The following VWA2 variants were observed in gnomAD, a reference collection of about 807,000 sequenced individuals.
The protein encoded by VWA2 is von Willebrand factor A domain containing 2.
In VWA2, 73 loss-of-function variants were observed where a neutral mutation model predicts 70.4. That is an observed-to-expected ratio of 1.04 (90% CI 0.86 to 1.26). The LOEUF (loss-of-function observed/expected upper bound fraction) is 1.26. Ranked by LOEUF, VWA2 falls within the 50% of genes most tolerant of loss-of-function variation. VWA2 has a pLI of 0.00. For synonymous variants in VWA2, 407 were observed against 423.3 expected (o/e 0.96, Z 0.47); for missense variants, 1,011 against 998.5 (o/e 1.01, Z -0.17).
intron 5 of VWA2, among the ~76,000 whole-genome samples, chr10:114,270,417 G>A (rs565684589): frequency 1.3e-5 from 2 of 152,322 alleles, no homozygotes; most frequent in Admixed American, 6.5e-5. Context: ...TGAGCACAGC[G>A]TCTGGCACAT....
intron 4 of VWA2, among the ~76,000 whole-genome samples, chr10:114,255,359 G>T (rs1470278776): frequency 6.6e-6 from 1 of 152,044 alleles, no homozygotes; most frequent in African/African-American, 2.4e-5. Flanking sequence ...AAATTAAGGG[G>T]ACTTCTTTCT....
At chr10:114,274,027 C>T (rs1339741073) in intron 6 of VWA2, among the ~76,000 whole-genome samples, 1 of 152,128 alleles carries the variant, frequency 6.6e-6, no homozygotes, top group Non-Finnish European at 1.5e-5. Flanking sequence ...AGGAGTAAGC[C>T]TTCCAAATAT....
intron 1 of VWA2, among the ~76,000 whole-genome samples, chr10:114,244,561 C>T (rs2037030539): frequency 6.6e-6 from 1 of 152,122 alleles, no homozygotes; most frequent in Non-Finnish European, 1.5e-5. Flanking sequence ...GCCTGTGTGT[C>T]TTGTGGCAGG....
At position 114,261,217 on chromosome 10, in the gene VWA2, C is replaced by G; in HGVS notation, c.293C>G (p.Thr98Ser). The G allele has an allele frequency of 1.2e-6, 2 of 1,614,088 alleles. No individual in the cohort carries two copies. Among genetic ancestry groups the G allele is most frequent in the Non-Finnish European group, 1.7e-6 (2 of 1,179,954 alleles). Reference protein sequence around the residue: ...VRVGAFQFSSTPHLEFPLDSF... With the variant: ...VRVGAFQFSSSPHLEFPLDSF... ...GTGGGAGCATTCCAGTTCAGTTCCA[C>G]TCCTCATCTGGAATTCCCCTTGGAT... The change falls in exon 5 of 14, where the codon ACT becomes AGT. Residue 98 changes from threonine to serine, a missense_variant. By Grantham distance (58) the Thr-to-Ser change is moderately conservative. Coordinates refer to ENST00000392982, the MANE Select transcript of VWA2 (RefSeq NM_001272046.2).
chr10:114,242,566 GC>G (rs11340581), intron 1 of VWA2, among the ~76,000 whole-genome samples: 1,940 of 151,588 alleles, frequency 0.013, 43 homozygotes, highest in African/African-American at 0.044. Context: ...GTGTGCCTCT[GC>G]GTACTGGTGC....
chr10:114,253,553 C>A (rs74497758), intron 2 of VWA2, 98 bp from the exon 3 acceptor site: 86,941 of 1,033,664 alleles, frequency 0.084, 4,265 homozygotes, highest in Middle Eastern at 0.1. Context: ...TTCTAGGTTT[C>A]TCTGATGTTA....
At chr10:114,289,776 AAGC>A in intron 12 of VWA2, 31 of 461,486 alleles carry the variant, frequency 6.7e-5, no homozygotes, top group South Asian at 1.6e-4. Flanking sequence ...GAATATCCAC[AAGC>A]TTCCTAAGGG....
Position 114,278,004 on chromosome 10 carries a change from C to T in VWA2, c.657C>T (p.Phe219=), listed in dbSNP as rs1489850368. The T allele has an allele frequency of 3.1e-6, 5 of 1,612,986 alleles. No individual in the cohort carries two copies. In the South Asian group the frequency reaches 5.5e-5, roughly 18 times the overall value. The change falls in exon 7 of 14, where the codon TTC becomes TTT. Residue 219 remains phenylalanine, a synonymous_variant. Transcript: ENST00000392982. ...EQVEDATNGL[F]STLSSSAICS... is the part of the protein sequence containing the mutation. Reference sequence around the variant, plus strand: ...TGGAGGATGCCACCAACGGCCTCTTCAGCACCCTCAGCAGCTCGGCCATCT... The same window carrying T: ...TGGAGGATGCCACCAACGGCCTCTTTAGCACCCTCAGCAGCTCGGCCATCT...
chr10:114,286,221 G>A lies in VWA2; in HGVS notation c.1280G>A (p.Arg427Gln), dbSNP rs764139137. ...GGPTLTGSAL[R>Q]QAAERGFGSA... ...CCCACCCTGACGGGCAGTGCCTTGC[G>A]GCAGGCGGCAGAGCGTGGCTTCGGG... Residue 427 changes from arginine to glutamine, a missense_variant, in exon 11 of 14, where the codon CGG (arginine) becomes CAG (glutamine). Transcript: ENST00000392982. 9.9e-6 allele frequency: 16 copies of A among 1,613,496 alleles called. No homozygotes were observed. The highest frequency in any genetic ancestry group is 6.7e-5 in the East Asian group (3 of 44,886).
chr10:114,294,185 C>T lies in VWA2; in HGVS notation c.*2948C>T, dbSNP rs2039859624. 2.0e-5 allele frequency among the ~76,000 whole-genome samples: 3 copies of T among 152,098 alleles called. No individual in the cohort carries two copies. Among genetic ancestry groups the T allele is most frequent in the African/African-American group, 7.2e-5 (3 of 41,408 alleles). Reference sequence around the variant, plus strand: ...AAACCCTGCTGAATTTTTCATTTGCCAACATCTTATTTCAGATTCTTTTAA... The same window carrying T: ...AAACCCTGCTGAATTTTTCATTTGCTAACATCTTATTTCAGATTCTTTTAA... On this transcript the variant is annotated 3_prime_UTR_variant, in exon 14 of 14. Coordinates refer to ENST00000392982, the MANE Select transcript of VWA2 (RefSeq NM_001272046.2).
rs374737998 is a variant in VWA2, at chr10:114,277,926, G to C, written c.579G>C (p.Leu193=). The stretch of plus-strand genomic sequence containing the variant: ...CCCCTTGGCACAGGTGGGAGGAGCT[G>C]CATGCACTGGCCAGCGAGCCTAGAG... ...VGVRFPRWEE[L]HALASEPRGQ... The change falls in exon 7 of 14, where the codon CTG becomes CTC. Residue 193 remains leucine, a synonymous_variant. Transcript: ENST00000392982. The C allele has an allele frequency of 1.6e-5, 25 of 1,609,136 alleles. 1 individual carries two copies. The highest frequency in any genetic ancestry group is 4.0e-4 in the Middle Eastern group (2 of 4,966).
chr10:114,284,671 G>A (rs868391912), intron 9 of VWA2, among the ~76,000 whole-genome samples, 192 bp from the exon 10 acceptor site: 3 of 152,214 alleles, frequency 2.0e-5, no homozygotes, highest in Admixed American at 6.5e-5. Flanking sequence ...TTTACCACCC[G>A]TGCCCAGCCC....
chr10:114,291,008 G>A (rs532981997), intron 13 of VWA2, among the ~76,000 whole-genome samples: 49 of 152,222 alleles, frequency 3.2e-4, no homozygotes, highest in Admixed American at 8.5e-4. Context: ...TCGGAGCCTT[G>A]GTTTTTTGGC....
At chr10:114,284,676 C>T (rs1051050286) in intron 9 of VWA2, among the ~76,000 whole-genome samples, 187 bp from the exon 10 acceptor site, 3 of 152,206 alleles carry the variant, frequency 2.0e-5, no homozygotes, top group African/African-American at 7.2e-5. Context: ...CACCCGTGCC[C>T]AGCCCCTCCT....
intron 2 of VWA2, among the ~76,000 whole-genome samples, chr10:114,250,451 G>C (rs980242463): frequency 2.6e-5 from 4 of 152,292 alleles, no homozygotes; most frequent in African/African-American, 9.6e-5. Context: ...TGGACTGGGC[G>C]GCCAAGCTGT....
chr10:114,248,567 A>G, intron 1 of VWA2, 137 bp from the exon 2 acceptor site: 1 of 689,332 alleles, frequency 1.5e-6, no homozygotes, highest in South Asian at 1.7e-5. Context: ...GGACTTTTCT[A>G]GTTATTGTGG....
At chr10:114,250,805 G>A (rs967643883) in intron 2 of VWA2, among the ~76,000 whole-genome samples, 1 of 152,240 alleles carries the variant, frequency 6.6e-6, no homozygotes, top group Non-Finnish European at 1.5e-5. Flanking sequence ...CCTGAAAGAA[G>A]TCTCTGGAGT....
chr10:114,276,504 C>G lies in VWA2; in HGVS notation c.567-1410C>G, dbSNP rs73365308. The stretch of plus-strand genomic sequence containing the variant: ...AAAACTGATACTGGTTCAGTCTCTA[C>G]TTTTATTTTTTTGAGACAGGGTCCC... On this transcript the variant is annotated intron_variant, in intron 6 of 13. Transcript: ENST00000392982. Among the ~76,000 whole-genome samples, 729 of 152,056 alleles carry G rather than the reference C, an allele frequency of 4.8e-3. 5 individuals carry two copies. Among genetic ancestry groups the G allele is most frequent in the African/African-American group, 0.017 (698 of 41,468 alleles).
chr10:114,284,878 A>G lies in VWA2; in HGVS notation c.905A>G (p.Gln302Arg). Residue 302 changes from glutamine to arginine, a missense_variant, in exon 10 of 14, where the codon CAG (glutamine) becomes CGG (arginine). By Grantham distance (43) the Gln-to-Arg change is conservative. Coordinates refer to ENST00000392982, the MANE Select transcript of VWA2 (RefSeq NM_001272046.2). The part of the protein sequence containing the change: ...RTTCPGPCDS[Q>R]PCQNGGTCVP... ...TCTCTGATAGGCCCCTGTGACTCGC[A>G]GCCCTGCCAGAATGGAGGCACATGT... is the stretch of plus-strand genomic sequence containing the variant. 6.2e-7 allele frequency: 1 copy of G among 1,609,276 alleles called. No homozygotes were observed. The highest frequency in any genetic ancestry group is 8.5e-7 in the Non-Finnish European group (1 of 1,178,292).
Sources: allele counts gnomAD v4.1 joint callset (sites outside exome capture counted in the v4.1 genomes callset), GRCh38; gene constraint gnomAD v4.1.1; transcripts MANE v1.5; gene names NCBI Gene and HGNC (gene_info 2026-07-23, HGNC 2026-07-21).